Variants in CHRM5 observed in about 807,000 individuals in gnomAD.
The protein encoded by CHRM5 is cholinergic receptor muscarinic 5, also known as muscarinic acetylcholine receptor M5.
In CHRM5, 18 loss-of-function variants were observed where a neutral mutation model predicts 39.0. The observed-to-expected ratio is 0.46, with a 90% CI of 0.32 to 0.68. The LOEUF is 0.68. CHRM5 is among the 30% of genes least tolerant of loss of function. The pLI is 0.04. For synonymous variants in CHRM5, 241 were observed against 246.3 expected, an observed-to-expected ratio of 0.98 and a Z score of 0.20; for missense variants, 515 against 651.1, an observed-to-expected ratio of 0.79 and a Z score of 2.28.
chr15:33,976,911 T>C (rs1272506026), intron 1 of CHRM5, among the ~76,000 whole-genome samples: 3 of 152,280 alleles, frequency 2.0e-5, no homozygotes, highest in South Asian at 2.1e-4. Flanking sequence ...TCCTGTGGTA[T>C]AGTGACATCC....
chr15:34,022,178 ACATCAAATGAATGG>A (rs1567472707), intron 1 of CHRM5, among the ~76,000 whole-genome samples: 1 of 152,206 alleles, frequency 6.6e-6, no homozygotes, highest in Non-Finnish European at 1.5e-5. Flanking sequence ...TGCTCCTCAG[ACATCAAATGAATGG>A]CATCATGGCC....
intron 2 of CHRM5, among the ~76,000 whole-genome samples, chr15:34,061,126 G>A (rs750301105): frequency 4.6e-5 from 7 of 151,986 alleles, no homozygotes; most frequent in Non-Finnish European, 1.0e-4. Flanking sequence ...TCTCTAGAAG[G>A]AAAAATAAAT....
At chr15:34,026,987 T>C (rs1898505678) in intron 1 of CHRM5, among the ~76,000 whole-genome samples, 1 of 145,274 alleles carries the variant, frequency 6.9e-6, no homozygotes, top group African/African-American at 2.5e-5. Flanking sequence ...AGAGTGGCAA[T>C]GGCTGCTTCA....
intron 1 of CHRM5, among the ~76,000 whole-genome samples, chr15:33,987,902 T>C (rs1896546878): frequency 6.6e-6 from 1 of 152,218 alleles, no homozygotes; most frequent in Non-Finnish European, 1.5e-5. Flanking sequence ...CTGCTGGGTC[T>C]GCATGCCCTG....
chr15:33,974,879 G>A (rs183793635), intron 1 of CHRM5, among the ~76,000 whole-genome samples: 186 of 152,260 alleles, frequency 1.2e-3, no homozygotes, highest in African/African-American at 4.2e-3. Context: ...GGCTGGGGCC[G>A]GAGAATCGCT....
rs59481537 is a variant in CHRM5 at position 34,043,246 on chromosome 15, C to CA, written c.-407-3280dup. On this transcript the variant is annotated intron_variant, in intron 1 of 2. Coordinates refer to ENST00000383263, the MANE Select transcript of CHRM5 (RefSeq NM_012125.4). ...TGGGCGACCGAGCAAGAATCCGTCT[C>CA]AAAAAAAAAAAAAAGACTATGGATC... Among the ~76,000 whole-genome samples the CA allele has an allele frequency of 5.9e-3, 660 of 112,240 alleles. 3 individuals carry two copies. The highest frequency in any genetic ancestry group is 0.016 in the African/African-American group (491 of 31,486). 73.6% of individuals were successfully genotyped at this position (112,240 alleles called of 152,430 possible). A position where few individuals can be genotyped will look rare whatever the true frequency, so the allele number is the denominator to read the frequency against.
intron 2 of CHRM5, among the ~76,000 whole-genome samples, chr15:34,052,086 C>G (rs1309049445): frequency 6.6e-6 from 1 of 152,074 alleles, no homozygotes; most frequent in African/African-American, 2.4e-5. Flanking sequence ...AACACTGATG[C>G]AAAAATCCTC....
intron 1 of CHRM5, among the ~76,000 whole-genome samples, chr15:34,034,404 G>A (rs1042262729): frequency 2.7e-5 from 4 of 148,486 alleles, no homozygotes; most frequent in Non-Finnish European, 5.9e-5. Context: ...TCACACTACT[G>A]CACTCCAGCG....
At chr15:34,004,737 T>C (rs1358876132) in intron 1 of CHRM5, among the ~76,000 whole-genome samples, 3 of 152,156 alleles carry the variant, frequency 2.0e-5, no homozygotes, top group African/African-American at 4.8e-5. Context: ...TAATTGGTAA[T>C]TGCTGAAGCT....
intron 1 of CHRM5, among the ~76,000 whole-genome samples, chr15:33,981,132 T>C (rs1395818566): frequency 2.0e-5 from 3 of 152,098 alleles, no homozygotes; most frequent in Non-Finnish European, 4.4e-5. Flanking sequence ...CTCAAAATTG[T>C]GGAGAGAAAA....
intron 1 of CHRM5, among the ~76,000 whole-genome samples, chr15:34,025,817 C>T (rs1898442043): frequency 6.6e-6 from 1 of 151,918 alleles, no homozygotes. Context: ...GAGAAAAAGA[C>T]AGGCACTGGA....
chr15:33,991,425 T>G (rs1896719095), intron 1 of CHRM5: 1 of 152,120 alleles, frequency 6.6e-6, no homozygotes, highest in Non-Finnish European at 1.5e-5. Context: ...ATGTGATTAT[T>G]ATGCATGGCA....
At chr15:34,006,494 C>CTA (rs1279658528) in intron 1 of CHRM5, among the ~76,000 whole-genome samples, 1 of 152,116 alleles carries the variant, frequency 6.6e-6, no homozygotes, top group African/African-American at 2.4e-5. Context: ...ACAGCTGTAA[C>CTA]ACATGGCAAA....
intron 1 of CHRM5, among the ~76,000 whole-genome samples, chr15:34,018,048 G>C (rs1898023531): frequency 6.6e-6 from 1 of 152,096 alleles, no homozygotes; most frequent in African/African-American, 2.4e-5. Context: ...ATACTAAATG[G>C]TTTATGTATT....
At chr15:33,984,247 T>C (rs1896319709) in intron 1 of CHRM5, among the ~76,000 whole-genome samples, 1 of 152,152 alleles carries the variant, frequency 6.6e-6, no homozygotes, top group African/African-American at 2.4e-5. Flanking sequence ...CACTGTATTA[T>C]CTTTGTAACT....
At chr15:34,009,708 C>G (rs930019289) in intron 1 of CHRM5, among the ~76,000 whole-genome samples, 1 of 152,092 alleles carries the variant, frequency 6.6e-6, no homozygotes, top group African/African-American at 2.4e-5. Flanking sequence ...AACAATAGGG[C>G]CAGGCACAGT....
intron 1 of CHRM5, chr15:33,972,082 A>G (rs1290104853): frequency 1.3e-5 from 2 of 152,170 alleles, no homozygotes; most frequent in Non-Finnish European, 2.9e-5. Context: ...CTTTTATTGC[A>G]TTTGTCACTT....
chr15:33,983,162 G>GTGTGTGTGTA (rs1896240610), intron 1 of CHRM5, among the ~76,000 whole-genome samples: 4 of 87,204 alleles, frequency 4.6e-5, no homozygotes, highest in African/African-American at 3.1e-4. Flanking sequence ...GTGTGTGTAT[G>GTGTGTGTGTA]TGTGTGTGTA....
chr15:33,977,114 T>C (rs1048615844), intron 1 of CHRM5, among the ~76,000 whole-genome samples: 16 of 152,296 alleles, frequency 1.1e-4, no homozygotes, highest in African/African-American at 3.6e-4. Flanking sequence ...GATAGGAAGG[T>C]TGAAAGGCTG....
Sources: gnomAD v4.1 joint callset for allele counts (sites outside exome capture counted in the v4.1 genomes callset) on GRCh38, gnomAD v4.1.1 for gene constraint, MANE v1.5 for transcripts, NCBI Gene and HGNC (gene_info 2026-07-23, HGNC 2026-07-21) for gene names.